NTM: variants seen among roughly 807,000 people sequenced by gnomAD.
NTM encodes the protein IgLON family member 2.
Under a neutral mutation model 42.1 loss-of-function variants are expected in NTM, and 13 were observed. That is an observed-to-expected ratio of 0.31 (90% confidence interval 0.20 to 0.49). The LOEUF is 0.49. Among genes scored for constraint, NTM ranks in the 20% least tolerant of loss-of-function variants. NTM has a pLI of 0.99. For synonymous variants in NTM, 187 were observed against 179.2 expected, an observed-to-expected ratio of 1.04 and a Z score of -0.35; for missense variants, 373 against 452.8, an observed-to-expected ratio of 0.82 and a Z score of 1.60.
At chr11:131,623,258 C>T (rs1167355864) in intron 1 of NTM, among the ~76,000 whole-genome samples, 1 of 152,112 alleles carries the variant, frequency 6.6e-6, no homozygotes, top group African/African-American at 2.4e-5. Flanking sequence ...TTCTCTGGGC[C>T]TGAGCCCCTT....
intron 1 of NTM, among the ~76,000 whole-genome samples, chr11:131,490,111 A>G (rs1007465776): frequency 2.2e-4 from 33 of 152,192 alleles, no homozygotes; most frequent in African/African-American, 8.0e-4. Context: ...AGAAACTAAT[A>G]GTGAGGATTC....
chr11:131,409,777 G>T (rs12575998), intron 1 of NTM, among the ~76,000 whole-genome samples: 9,536 of 152,280 alleles, frequency 0.063, 1,519 homozygotes, highest in East Asian at 0.62. Flanking sequence ...AAGAACTGCT[G>T]CAGGAAGCCT....
Position 131,602,813 on chromosome 11 carries a change from C to T in NTM, c.82+231925C>T, listed in dbSNP as rs183372877. 2.7e-3 allele frequency among the ~76,000 whole-genome samples: 416 copies of T among 152,192 alleles called. 2 individuals are homozygous for T. Among genetic ancestry groups the T allele is most frequent in the Non-Finnish European group, 4.8e-3 (325 of 68,016 alleles). ...ATTGTCCCTATGTCAGTAAATGAAC[C>T]GCCATTGACTCAAGAGCTCATGCTA... On this transcript the variant is annotated intron_variant, in intron 1 of 8. Coordinates refer to ENST00000683400, the MANE Select transcript of NTM (RefSeq NM_001352005.2).
chr11:132,231,435 A>G (rs1008909515), intron 4 of NTM, among the ~76,000 whole-genome samples: 3 of 152,218 alleles, frequency 2.0e-5, no homozygotes, highest in African/African-American at 7.2e-5. Context: ...TTGCTTTCTT[A>G]ACATCCTTTC....
At chr11:131,561,831 C>T (rs2056274182) in intron 1 of NTM, among the ~76,000 whole-genome samples, 1 of 152,144 alleles carries the variant, frequency 6.6e-6, no homozygotes, top group Non-Finnish European at 1.5e-5. Context: ...TTTGCCTCAT[C>T]TATGAAATCA....
intron 1 of NTM, among the ~76,000 whole-genome samples, chr11:131,447,325 C>T (rs892426904): frequency 6.6e-5 from 10 of 152,180 alleles, no homozygotes; most frequent in Non-Finnish European, 1.2e-4. Flanking sequence ...TTTATCTTGT[C>T]AGAGTTCACG....
chr11:132,156,914 G>A (rs1591880518), intron 3 of NTM, among the ~76,000 whole-genome samples: 4 of 152,310 alleles, frequency 2.6e-5, no homozygotes, highest in African/African-American at 7.2e-5. Context: ...AGAGGAGAAG[G>A]CAGTGTAAAG....
intron 1 of NTM, among the ~76,000 whole-genome samples, chr11:131,723,858 C>A (rs1000005052): frequency 6.6e-6 from 1 of 151,488 alleles, no homozygotes; most frequent in Non-Finnish European, 1.5e-5. Flanking sequence ...GAAAGAGAGA[C>A]AGACAAGAGG....
intron 1 of NTM, among the ~76,000 whole-genome samples, chr11:131,725,092 G>A (rs990352142): frequency 7.2e-5 from 11 of 152,244 alleles, no homozygotes; most frequent in East Asian, 3.9e-4. Context: ...GAAAAAAGAC[G>A]TCAAAGATGG....
At position 131,682,250 on chromosome 11, in the gene NTM, T is replaced by C. The variant is rs566715939; in HGVS notation, c.83-229314T>C. On this transcript the variant is annotated intron_variant, in intron 1 of 8. Transcript: ENST00000683400. The stretch of plus-strand genomic sequence containing the variant: ...CAGCCCTGCTGGCATGCTGTATAGC[T>C]GAGGAGCCTCTGGTTTCCTTCCTGG... Among the ~76,000 whole-genome samples, 6 of 152,338 alleles carry C rather than the reference T, an allele frequency of 3.9e-5. No individual in the cohort carries two copies. In the East Asian group the frequency reaches 1.2e-3, roughly 29 times the overall value.
At chr11:132,000,659 A>G (rs934190113) in intron 2 of NTM, among the ~76,000 whole-genome samples, 4 of 152,178 alleles carry the variant, frequency 2.6e-5, no homozygotes, top group Non-Finnish European at 5.9e-5. Flanking sequence ...TCGTTCCTCT[A>G]TATTTCATCT....
At chr11:132,258,231 C>T (rs749810045) in intron 4 of NTM, among the ~76,000 whole-genome samples, 21 of 152,322 alleles carry the variant, frequency 1.4e-4, no homozygotes, top group African/African-American at 3.8e-4. Context: ...GACTGAGGGA[C>T]ACATTTTCTA....
intron 1 of NTM, among the ~76,000 whole-genome samples, chr11:131,371,632 C>A (rs1196935837): frequency 6.6e-6 from 1 of 152,178 alleles, no homozygotes; most frequent in Non-Finnish European, 1.5e-5. Context: ...TGAGTGCAAG[C>A]TTTGATGTCC....
chr11:132,043,956 C>CTGTG (rs1389188401), intron 2 of NTM, among the ~76,000 whole-genome samples: 3 of 98,998 alleles, frequency 3.0e-5, no homozygotes, highest in African/African-American at 1.2e-4. Context: ...CAGACACCAA[C>CTGTG]TATGTGTGTG....
At chr11:131,384,572 AG>A (rs1943080275) in intron 1 of NTM, among the ~76,000 whole-genome samples, 1 of 152,068 alleles carries the variant, frequency 6.6e-6, no homozygotes, top group South Asian at 2.1e-4. Context: ...AAAGAGAGAG[AG>A]AGAGAGTGAG....
chr11:132,322,014 A>G (rs2095580322), intron 7 of NTM, among the ~76,000 whole-genome samples: 1 of 151,966 alleles, frequency 6.6e-6, no homozygotes, highest in Non-Finnish European at 1.5e-5. Flanking sequence ...GCCCTAAAAG[A>G]GCTCCTGAAG....
At chr11:131,508,082 A>G (rs1284247889) in intron 1 of NTM, among the ~76,000 whole-genome samples, 3 of 148,598 alleles carry the variant, frequency 2.0e-5, no homozygotes, top group East Asian at 2.0e-4. Context: ...AGAAACTACC[A>G]TCAGAGTGAA....
intron 3 of NTM, among the ~76,000 whole-genome samples, chr11:132,183,058 T>G (rs1692778744): frequency 6.6e-6 from 1 of 152,168 alleles, no homozygotes; most frequent in Non-Finnish European, 1.5e-5. Context: ...TCTCACACGG[T>G]GCTGTACAGT....
intron 1 of NTM, among the ~76,000 whole-genome samples, chr11:131,711,534 G>T (rs1305097782): frequency 1.3e-5 from 2 of 152,196 alleles, no homozygotes; most frequent in Admixed American, 6.5e-5. Flanking sequence ...CTGTTGGTGG[G>T]ATCGTAAACT....
Sources: allele counts gnomAD v4.1 joint callset (sites outside exome capture counted in the v4.1 genomes callset), GRCh38; gene constraint gnomAD v4.1.1; transcripts MANE v1.5; gene names NCBI Gene and HGNC (gene_info 2026-07-23, HGNC 2026-07-21).